The following CACNA1C variants were observed in gnomAD, a reference collection of about 807,000 sequenced individuals.
CACNA1C encodes the protein voltage-dependent L-type calcium channel subunit alpha-1C.
CACNA1C carries 30 observed loss-of-function variants against 229.0 expected under a neutral mutation model. That is an observed-to-expected ratio of 0.13 (90% CI 0.10 to 0.18). The LOEUF is 0.18. CACNA1C is among the 10% of genes least tolerant of loss of function. The pLI, the probability that CACNA1C is intolerant of heterozygous loss-of-function variation, is 1.00. For missense variants in CACNA1C, 1,658 were observed against 2,845.0 expected (o/e 0.58, Z 9.49); for synonymous variants, 1,114 against 1,132.5 (o/e 0.98, Z 0.33).
chr12:2,453,019 C>A (rs533569702), intron 4 of CACNA1C, among the ~76,000 whole-genome samples: 1 of 152,298 alleles, frequency 6.6e-6, no homozygotes, highest in African/African-American at 2.4e-5. Context: ...AGGAAGCCAT[C>A]AAGTTGCCAG....
intron 3 of CACNA1C, among the ~76,000 whole-genome samples, chr12:2,149,517 G>A (rs573132306): frequency 6.6e-6 from 1 of 152,162 alleles, no homozygotes; most frequent in Non-Finnish European, 1.5e-5. Flanking sequence ...GAACATTCCC[G>A]CTTTAGGAAT....
chr12:2,315,107 C>T (rs920631796), intron 3 of CACNA1C, among the ~76,000 whole-genome samples: 36 of 152,258 alleles, frequency 2.4e-4, no homozygotes, highest in African/African-American at 7.0e-4. Context: ...GAGAAAAGGA[C>T]ACGTCCTCCT....
intron 7 of CACNA1C, among the ~76,000 whole-genome samples, chr12:2,495,596 G>A (rs1278626412): frequency 6.6e-6 from 1 of 152,248 alleles, no homozygotes; most frequent in Non-Finnish European, 1.5e-5. Flanking sequence ...GCCGGGGCGG[G>A]GAGCAGAAGC....
intron 5 of CACNA1C, among the ~76,000 whole-genome samples, chr12:2,480,315 T>C (rs1420411672): frequency 2.0e-5 from 3 of 152,128 alleles, no homozygotes; most frequent in African/African-American, 4.8e-5. Flanking sequence ...CCAGGTCCTC[T>C]CCCCATTCAG....
chr12:2,173,696 C>G (rs755768278), intron 3 of CACNA1C, among the ~76,000 whole-genome samples: 2 of 152,140 alleles, frequency 1.3e-5, no homozygotes, highest in African/African-American at 4.8e-5. Context: ...GCCCTACCCC[C>G]ACCTGCTCCA....
chr12:1,971,061 C>A lies in CACNA1C; in HGVS notation c.-2C>A. On this transcript the variant is annotated 5_prime_UTR_variant, in exon 1 of 47. Transcript: ENST00000682462. This position sits in a 1 kb window ranked among gnomAD's most constrained non-coding sequence, Gnocchi z 4.2. ...CAATTAATATACATCTGGAAATTCACAATGCTTCGAGCCTTTGTTCAGCCT... is the reference window on the plus strand; with the variant it reads ...CAATTAATATACATCTGGAAATTCAAAATGCTTCGAGCCTTTGTTCAGCCT... The A allele has an allele frequency of 7.8e-7, 1 of 1,285,110 alleles. No homozygotes were observed. Among genetic ancestry groups the A allele is most frequent in the Non-Finnish European group, 1.0e-6 (1 of 986,798 alleles). The allele number at this position is 1,285,110 out of a possible 1,614,324, so 79.6% of individuals were successfully genotyped here. A position where few individuals can be genotyped will look rare whatever the true frequency, so the allele number is the denominator to read the frequency against.
chr12:1,978,040 T>C (rs932997555), intron 1 of CACNA1C, among the ~76,000 whole-genome samples: 16 of 152,194 alleles, frequency 1.1e-4, no homozygotes, highest in African/African-American at 3.1e-4. Flanking sequence ...TTTAAAAAAA[T>C]TGACTCTCAA....
intron 1 of CACNA1C, among the ~76,000 whole-genome samples, chr12:2,063,222 T>A (rs1452571218): frequency 6.6e-6 from 1 of 151,664 alleles, no homozygotes; most frequent in Admixed American, 6.6e-5. Flanking sequence ...TACGATCTCG[T>A]CTCACTGCAA....
chr12:2,250,012 G>A (rs912853581), intron 3 of CACNA1C, among the ~76,000 whole-genome samples: 5 of 152,132 alleles, frequency 3.3e-5, no homozygotes, highest in African/African-American at 1.2e-4. Context: ...GTTTCACCGT[G>A]TTAGCCAGGA....
At chr12:2,146,000 T>A (rs183795310) in intron 3 of CACNA1C, among the ~76,000 whole-genome samples, 1 of 151,460 alleles carries the variant, frequency 6.6e-6, no homozygotes, top group Admixed American at 6.6e-5. Context: ...AGGGGCATTA[T>A]CTCATTAGAG....
intron 4 of CACNA1C, among the ~76,000 whole-genome samples, chr12:2,455,255 G>A (rs566666922): frequency 9.9e-5 from 15 of 152,094 alleles, no homozygotes; most frequent in Admixed American, 2.6e-4. Flanking sequence ...TGCTCATTTA[G>A]AGCAAAATTT....
At chr12:2,460,373 T>G (rs1447394408) in intron 5 of CACNA1C, among the ~76,000 whole-genome samples, 2 of 152,174 alleles carry the variant, frequency 1.3e-5, no homozygotes, top group Admixed American at 6.5e-5. Context: ...TGAGAACACA[T>G]AGCAGCCTAC....
chr12:2,318,821 TG>T (rs2095823684), intron 3 of CACNA1C, among the ~76,000 whole-genome samples: 1 of 134,488 alleles, frequency 7.4e-6, no homozygotes, highest in Non-Finnish European at 1.6e-5. Flanking sequence ...GGACAGGGAG[TG>T]CGGGGCTAGA....
At chr12:2,628,580 C>G (rs1459751990) in intron 29 of CACNA1C, among the ~76,000 whole-genome samples, 1 of 152,170 alleles carries the variant, frequency 6.6e-6, no homozygotes, top group Non-Finnish European at 1.5e-5. Context: ...CCTGTGACTC[C>G]TACGTCACTA....
chr12:2,610,109 A>G lies in CACNA1C; in HGVS notation c.3559-432A>G, dbSNP rs538200319. Among the ~76,000 whole-genome samples, 9 of 152,312 alleles carry G rather than the reference A, an allele frequency of 5.9e-5. No homozygotes were observed. In the East Asian group the frequency reaches 1.7e-3, roughly 29 times the overall value. ...CACTGCACTCCAGCCTGCTGGATTT[A>G]GGACAGGAAAGAAAAACTGAGGAGA... On this transcript the variant is annotated intron_variant, in intron 27 of 46. Transcript: ENST00000399655.
At chr12:2,521,111 G>A (rs1052338374) in intron 9 of CACNA1C, among the ~76,000 whole-genome samples, 2 of 152,234 alleles carry the variant, frequency 1.3e-5, no homozygotes, top group African/African-American at 2.4e-5. Context: ...TAGGTTTATG[G>A]TGGAGAATAT....
chr12:2,504,419 T>C lies in CACNA1C; in HGVS notation c.1114-423T>C, dbSNP rs2099767230. 2 of 1,466,630 alleles carry C rather than the reference T, an allele frequency of 1.4e-6. No individual in the cohort carries two copies. Among genetic ancestry groups the C allele is most frequent in the Non-Finnish European group, 1.9e-6 (2 of 1,046,212 alleles). The allele number at this position is 1,466,630 out of a possible 1,614,324, so 90.9% of individuals were successfully genotyped here. The stretch of plus-strand genomic sequence containing the variant: ...CAATTCTGCTTCTTCTTTCCTAACT[T>C]TCCTTCGTCTTTCCAGATGCAGGAC... On this transcript the variant is annotated intron_variant, in intron 7 of 46. Transcript: ENST00000399655. The surrounding 1 kb of genome is among the most constrained non-coding windows in gnomAD (Gnocchi z 6.8).
intron 3 of CACNA1C, among the ~76,000 whole-genome samples, chr12:2,159,773 CT>C (rs1412351407): frequency 2.0e-5 from 3 of 152,038 alleles, no homozygotes; most frequent in Non-Finnish European, 4.4e-5. Flanking sequence ...CCTGGCTAAT[CT>C]TTTGTATTTA....
intron 3 of CACNA1C, among the ~76,000 whole-genome samples, chr12:2,350,974 C>T (rs964745756): frequency 1.3e-5 from 2 of 152,190 alleles, no homozygotes; most frequent in Non-Finnish European, 2.9e-5. Flanking sequence ...AAACTCAAGC[C>T]GAAGGCTGCC....
Sources: gnomAD v4.1 joint callset for allele counts (sites outside exome capture counted in the v4.1 genomes callset) on GRCh38, gnomAD v4.1.1 for gene constraint, Gnocchi (gnomAD v3.1) non-coding constraint, MANE v1.5 for transcripts, NCBI Gene and HGNC (gene_info 2026-07-23, HGNC 2026-07-21) for gene names.